Variants in EYS observed in about 807,000 individuals in gnomAD.
EYS encodes EGF-like photoreceptor maintenance factor, also known as protein eyes shut homolog.
A neutral mutation model predicts 282.1 loss-of-function variants in EYS; 250 were observed. The ratio of observed to expected loss-of-function variants is 0.89; its 90% CI spans 0.80 to 0.98. EYS has a LOEUF of 0.98. EYS is among the 50% of genes least tolerant of loss of function. The pLI is 0.00. For synonymous variants in EYS, 1,355 were observed against 1,282.9 expected (o/e 1.06, Z -1.20); for missense variants, 4,016 against 3,709.0 (o/e 1.08, Z -2.15).
At chr6:65,516,255 T>C (rs887209792) in intron 2 of EYS, among the ~76,000 whole-genome samples, 1 of 152,140 alleles carries the variant, frequency 6.6e-6, no homozygotes, top group Middle Eastern at 3.2e-3. Context: ...CTTTTATTTA[T>C]ATACTTGCAT....
chr6:64,741,785 C>T (rs536879191), intron 22 of EYS, among the ~76,000 whole-genome samples: 2 of 152,296 alleles, frequency 1.3e-5, no homozygotes, highest in African/African-American at 4.8e-5. Context: ...TTCCTCACCT[C>T]TTTCAGCCTT....
At chr6:65,318,955 G>A (rs1455677566) in intron 11 of EYS, among the ~76,000 whole-genome samples, 5 of 151,272 alleles carry the variant, frequency 3.3e-5, no homozygotes, top group Admixed American at 3.3e-4. Context: ...TCATAGTTTT[G>A]TTGTGAATTC....
intron 19 of EYS, among the ~76,000 whole-genome samples, chr6:64,840,528 A>G (rs188404104): frequency 6.6e-6 from 1 of 152,110 alleles, no homozygotes; most frequent in African/African-American, 2.4e-5. Flanking sequence ...CATGTTTTCA[A>G]ATTCCAAGGG....
chr6:64,695,133 C>T (rs1416275019), intron 22 of EYS, among the ~76,000 whole-genome samples: 2 of 152,032 alleles, frequency 1.3e-5, no homozygotes, highest in African/African-American at 4.8e-5. Context: ...ATCTCAGCCC[C>T]ATCCAACCCA....
intron 12 of EYS, among the ~76,000 whole-genome samples, chr6:65,089,017 G>A (rs1034771020): frequency 3.3e-5 from 5 of 152,152 alleles, no homozygotes; most frequent in Non-Finnish European, 5.9e-5. Flanking sequence ...TGAGGTTTGG[G>A]AACCTCTACC....
At chr6:63,917,633 A>C (rs1401987447) in intron 35 of EYS, among the ~76,000 whole-genome samples, 1 of 152,230 alleles carries the variant, frequency 6.6e-6, no homozygotes, top group East Asian at 1.9e-4. Context: ...GTTTGTACCA[A>C]ATGTCAAATG....
At chr6:64,231,754 A>C (rs1244398690) in intron 30 of EYS, among the ~76,000 whole-genome samples, 4 of 152,114 alleles carry the variant, frequency 2.6e-5, no homozygotes, top group African/African-American at 4.8e-5. Flanking sequence ...TTTATCAGAA[A>C]TCTTTATTCA....
rs549143819 is a variant in EYS, at chr6:64,740,295, AT to A, written c.3443+73082del. 2.2e-4 allele frequency among the ~76,000 whole-genome samples: 33 copies of A among 152,342 alleles called. No individual in the cohort carries two copies. The South Asian group carries it at 6.0e-3, about 28-fold the overall frequency. ...ACTATATTTTCAAATTATAAAAAAA[AT>A]ATGAGAATGAATTATCTTTGTTTTA... On this transcript the variant is annotated intron_variant, in intron 22 of 42. Transcript: ENST00000503581.
At chr6:64,085,340 GCACACACA>G (rs71551560) in intron 31 of EYS, among the ~76,000 whole-genome samples, 1 of 139,812 alleles carries the variant, frequency 7.2e-6, no homozygotes, top group Admixed American at 7.0e-5. Context: ...ACGTGCGCGC[GCACACACA>G]CACACACACA....
Position 64,499,490 on chromosome 6 carries a change from C to T in EYS, c.5645-60138G>A, listed in dbSNP as rs149820491. 2.6e-5 allele frequency among the ~76,000 whole-genome samples: 4 copies of T among 152,256 alleles called. No homozygotes were observed. The East Asian group carries it at 7.7e-4, about 29-fold the overall frequency. On this transcript the variant is annotated intron_variant, in intron 26 of 42. Transcript: ENST00000503581. ...GACTTTTGGAGTCTTGCTGCTATGG[C>T]ATGCCTGTGCAATTGAGTGTACTAA...
intron 26 of EYS, among the ~76,000 whole-genome samples, chr6:64,458,461 TTG>T (rs1775633828): frequency 6.6e-6 from 1 of 152,014 alleles, no homozygotes; most frequent in African/African-American, 2.4e-5. Flanking sequence ...GGTTAATAAT[TTG>T]TTTTTTTTCT....
chr6:65,149,429 T>G (rs9445476), intron 12 of EYS, among the ~76,000 whole-genome samples: 4,277 of 152,238 alleles, frequency 0.028, 154 homozygotes, highest in African/African-American at 0.085. Flanking sequence ...AGACTGGACT[T>G]CATTGTCCAA....
intron 26 of EYS, among the ~76,000 whole-genome samples, chr6:64,472,600 G>C (rs1260887766): frequency 6.6e-6 from 1 of 152,022 alleles, no homozygotes; most frequent in Admixed American, 6.6e-5. Context: ...AGGAATTTGA[G>C]AAACCATGTA....
chr6:64,682,857 C>A (rs1007182524), intron 22 of EYS, among the ~76,000 whole-genome samples: 3 of 152,108 alleles, frequency 2.0e-5, no homozygotes, highest in Non-Finnish European at 2.9e-5. Context: ...TCTGTTTCTG[C>A]CTTATGCTGC....
At chr6:65,314,145 G>A (rs1769235119) in intron 11 of EYS, among the ~76,000 whole-genome samples, 1 of 144,816 alleles carries the variant, frequency 6.9e-6, no homozygotes, top group Non-Finnish European at 1.5e-5. Flanking sequence ...ATGTGTGTGT[G>A]TATACATGCT....
chr6:65,234,553 A>C (rs1370825220), intron 12 of EYS, among the ~76,000 whole-genome samples: 1 of 152,140 alleles, frequency 6.6e-6, no homozygotes, highest in Non-Finnish European at 1.5e-5. Context: ...CACATTTCCA[A>C]TTTGAATCAG....
At chr6:65,109,292 G>T (rs1344194078) in intron 12 of EYS, among the ~76,000 whole-genome samples, 1 of 151,632 alleles carries the variant, frequency 6.6e-6, no homozygotes, top group East Asian at 1.9e-4. Flanking sequence ...TTGGATTTTT[G>T]CATGTTAGTA....
At chr6:64,643,863 A>G (rs1192341224) in intron 22 of EYS, among the ~76,000 whole-genome samples, 2 of 152,308 alleles carry the variant, frequency 1.3e-5, no homozygotes, top group African/African-American at 4.8e-5. Flanking sequence ...ATGTGGAACT[A>G]TAAGTCCATT....
At chr6:64,531,917 G>A (rs978209876) in intron 26 of EYS, among the ~76,000 whole-genome samples, 6 of 152,130 alleles carry the variant, frequency 3.9e-5, no homozygotes, top group Admixed American at 3.3e-4. Flanking sequence ...ACACCAGTGG[G>A]TTGAAAAAAA....
Sources: gnomAD v4.1 joint callset for allele counts (sites outside exome capture counted in the v4.1 genomes callset) on GRCh38, gnomAD v4.1.1 for gene constraint, MANE v1.5 for transcripts, NCBI Gene and HGNC (gene_info 2026-07-23, HGNC 2026-07-21) for gene names.